RCAN3: variants seen among roughly 807,000 people sequenced by gnomAD.
The protein encoded by RCAN3 is calcipressin-3.
In RCAN3, 19 loss-of-function variants were observed where a neutral mutation model predicts 21.9. The ratio of observed to expected loss-of-function variants is 0.87; its 90% CI spans 0.61 to 1.27. RCAN3 has a LOEUF of 1.27. Among genes scored for constraint, RCAN3 ranks in the 50% most tolerant of loss-of-function variants. The pLI, the probability that RCAN3 is intolerant of heterozygous loss-of-function variation, is 0.00. For synonymous variants in RCAN3, 114 were observed against 112.3 expected (o/e 1.01, Z -0.09); for missense variants, 240 against 300.1 (o/e 0.80, Z 1.48).
intron 2 of RCAN3, among the ~76,000 whole-genome samples, chr1:24,517,392 C>T (rs1009982865): frequency 6.6e-6 from 1 of 152,144 alleles, no homozygotes; most frequent in Non-Finnish European, 1.5e-5. Flanking sequence ...GCTGGTATTA[C>T]AGGCGTGAGC....
In RCAN3 at chr1:24,537,005, T is replaced by C. The variant is rs1468117102; in HGVS notation, c.*1728T>C. ...CGACAACCACCCAATAAATTTACTC[T>C]GCAGTTCTGAACTCAGCATTGTGCC... On this transcript the variant is annotated 3_prime_UTR_variant, in exon 5 of 5. Transcript: ENST00000374395. 6.6e-6 allele frequency: 1 copy of C among 152,236 alleles called. No individual in the cohort carries two copies. The highest frequency in any genetic ancestry group is 1.5e-5 in the Non-Finnish European group (1 of 68,044). The allele number at this position is 152,236 out of a possible 1,614,324, so 9.4% of individuals were successfully genotyped here.
chr1:24,528,955 A>G (rs1649509124), intron 2 of RCAN3, among the ~76,000 whole-genome samples: 1 of 152,228 alleles, frequency 6.6e-6, no homozygotes, highest in Non-Finnish European at 1.5e-5. Context: ...GCAAGCCTCA[A>G]ACTGTCAAAG....
At chr1:24,523,691 GAGT>G (rs1328073414) in intron 2 of RCAN3, among the ~76,000 whole-genome samples, 2 of 150,976 alleles carry the variant, frequency 1.3e-5, no homozygotes, top group Non-Finnish European at 2.9e-5. Flanking sequence ...TCCCAGGCTG[GAGT>G]GCAGTGGTAC....
At chr1:24,530,929 G>A (rs941772902) in intron 2 of RCAN3, among the ~76,000 whole-genome samples, 2 of 152,114 alleles carry the variant, frequency 1.3e-5, no homozygotes, top group Non-Finnish European at 2.9e-5. Context: ...AAAATCACTT[G>A]AATCCAAGAG....
chr1:24,531,946 G>A (rs1288204230), intron 3 of RCAN3, among the ~76,000 whole-genome samples: 1 of 152,094 alleles, frequency 6.6e-6, no homozygotes, highest in Non-Finnish European at 1.5e-5. Context: ...AATTTCTTCT[G>A]AGAAGAGTGG....
At chr1:24,511,692 C>A (rs1022271502) in intron 1 of RCAN3, among the ~76,000 whole-genome samples, 1 of 152,164 alleles carries the variant, frequency 6.6e-6, no homozygotes, top group Non-Finnish European at 1.5e-5. Flanking sequence ...GTGAGAATTA[C>A]CAGAACATGT....
chr1:24,520,309 A>G (rs1648680222), intron 2 of RCAN3, among the ~76,000 whole-genome samples: 1 of 152,218 alleles, frequency 6.6e-6, no homozygotes. Context: ...AGAGAATCAT[A>G]GTTTAGAATT....
At chr1:24,523,624 A>G (rs1246057423) in intron 2 of RCAN3, among the ~76,000 whole-genome samples, 11 of 138,882 alleles carry the variant, frequency 7.9e-5, no homozygotes, top group Admixed American at 3.4e-4. Context: ...ACACACACAC[A>G]CACACACACA....
chr1:24,519,422 A>G (rs1448062578), intron 2 of RCAN3, among the ~76,000 whole-genome samples: 1 of 152,104 alleles, frequency 6.6e-6, no homozygotes, highest in Non-Finnish European at 1.5e-5. Context: ...TTAGGTTTTT[A>G]TAACATGAGA....
chr1:24,533,830 A>C (rs1649995232), intron 4 of RCAN3, among the ~76,000 whole-genome samples: 1 of 152,186 alleles, frequency 6.6e-6, no homozygotes, highest in Non-Finnish European at 1.5e-5. Context: ...ATTAAGTATT[A>C]AATGATGTAT....
At chr1:24,515,901 T>C (rs2148897603) in intron 2 of RCAN3, among the ~76,000 whole-genome samples, 1 of 152,264 alleles carries the variant, frequency 6.6e-6, no homozygotes, top group Middle Eastern at 3.4e-3. Context: ...TCCCAGTACT[T>C]TGGGAGGCCA....
chr1:24,502,768 C>CGGTCCCCGCCCG (rs1002576237), upstream of RCAN3: 2 of 151,000 alleles, frequency 1.3e-5, no homozygotes, highest in Non-Finnish European at 3.0e-5. Context: ...GCCCCCGCCC[C>CGGTCCCCGCCCG]GGTCCCCGCC....
Position 24,503,010 on chromosome 1 carries a change from C to T in RCAN3, c.-200C>T, listed in dbSNP as rs1219336814. The stretch of plus-strand genomic sequence containing the variant: ...GGCCCCGCCCGCCGCCCACCAGGCT[C>T]CCAGAGGCCCCGCAGCTCGCGCCGT... On this transcript the variant is annotated 5_prime_UTR_variant, in exon 1 of 5. Coordinates refer to ENST00000374395, the MANE Select transcript of RCAN3 (RefSeq NM_013441.4). 6.7e-6 allele frequency: 1 copy of T among 149,756 alleles called. No individual in the cohort carries two copies. The highest frequency in any genetic ancestry group is 1.5e-5 in the Non-Finnish European group (1 of 67,074). The allele number at this position is 149,756 out of a possible 1,614,324, so 9.3% of individuals were successfully genotyped here.
intron 2 of RCAN3, among the ~76,000 whole-genome samples, chr1:24,519,406 T>G (rs376758713): frequency 1.3e-5 from 2 of 152,224 alleles, no homozygotes; most frequent in South Asian, 4.2e-4. Context: ...GTTTTCAAAA[T>G]ATAATTTAGG....
chr1:24,520,855 A>T (rs958570520), intron 2 of RCAN3, among the ~76,000 whole-genome samples: 27 of 152,190 alleles, frequency 1.8e-4, no homozygotes, highest in Middle Eastern at 3.4e-3. Flanking sequence ...AAAATAAAAT[A>T]AAATAAAATT....
chr1:24,503,658 G>A (rs1163453389), intron 1 of RCAN3, among the ~76,000 whole-genome samples: 1 of 152,250 alleles, frequency 6.6e-6, no homozygotes, highest in Non-Finnish European at 1.5e-5. Context: ...GGAGTGATCT[G>A]TTCCAGGTTG....
intron 2 of RCAN3, among the ~76,000 whole-genome samples, chr1:24,514,828 G>A (rs957803910): frequency 3.3e-5 from 5 of 152,022 alleles, no homozygotes; most frequent in Non-Finnish European, 5.9e-5. Context: ...AACTAGCCGG[G>A]TGTGGTGGTG....
chr1:24,533,201 C>A lies in RCAN3; in HGVS notation c.488C>A (p.Ala163Glu). 1 of 1,605,768 alleles carries A rather than the reference C, an allele frequency of 6.2e-7. No homozygotes were observed. The highest frequency in any genetic ancestry group is 8.5e-7 in the Non-Finnish European group (1 of 1,177,024). ...PPVGWKQSEDAMPVINYDLLC... is the reference protein window; with the variant it reads ...PPVGWKQSEDEMPVINYDLLC... ...GTGGGGTGGAAGCAGAGCGAAGATG[C>A]GATGCCTGTTATAAATTATGATTTA... Residue 163 changes from alanine (A) to glutamate (E), a missense_variant, in exon 4 of 5, where the codon GCG (alanine) becomes GAG (glutamate). Ala to Glu is a moderately radical substitution (Grantham distance 107). Coordinates refer to ENST00000374395, the MANE Select transcript of RCAN3 (RefSeq NM_013441.4).
At chr1:24,503,244 C>G (rs1172883387) in intron 1 of RCAN3, 94 bp downstream of exon 1, 1 of 150,016 alleles carries the variant, frequency 6.7e-6, no homozygotes. Flanking sequence ...AAAAGCCGCC[C>G]CGAGAAGTCC....
Sources: allele counts gnomAD v4.1 joint callset (sites outside exome capture counted in the v4.1 genomes callset), GRCh38; gene constraint gnomAD v4.1.1; transcripts MANE v1.5; gene names NCBI Gene and HGNC (gene_info 2026-07-23, HGNC 2026-07-21).